Variants in EDEM3 observed in about 807,000 individuals in gnomAD.
EDEM3 encodes the protein ER degradation enhancing alpha-mannosidase like protein 3.
EDEM3 carries 60 observed loss-of-function variants against 110.2 expected under a neutral mutation model. That is an observed-to-expected ratio of 0.54 (90% CI 0.44 to 0.67). The LOEUF is 0.67. Ranked by LOEUF, EDEM3 falls within the 30% of genes least tolerant of loss-of-function variation. EDEM3 has a pLI of 0.00. For missense variants in EDEM3, 996 were observed against 1,121.0 expected (o/e 0.89, Z 1.59); for synonymous variants, 352 against 382.9 (o/e 0.92, Z 0.94).
chr1:184,700,883 T>A (rs1558041027), intron 19 of EDEM3, among the ~76,000 whole-genome samples: 1 of 151,998 alleles, frequency 6.6e-6, no homozygotes, highest in Non-Finnish European at 1.5e-5. Flanking sequence ...AGCTGTACAG[T>A]TCTATAAAGA....
intron 2 of EDEM3, among the ~76,000 whole-genome samples, chr1:184,746,350 A>C (rs1168312198): frequency 1.3e-5 from 2 of 152,244 alleles, no homozygotes; most frequent in Admixed American, 6.5e-5. Context: ...GCTTTAAGCA[A>C]GTTCTATGTA....
intron 19 of EDEM3, chr1:184,701,591 C>A: frequency 2.5e-6 from 3 of 1,196,260 alleles, no homozygotes; most frequent in East Asian, 5.8e-5. Context: ...AAAGCAAATG[C>A]ATTAAAGAGT....
intron 5 of EDEM3, among the ~76,000 whole-genome samples, chr1:184,733,654 C>G (rs1439661563): frequency 1.3e-5 from 2 of 151,988 alleles, no homozygotes; most frequent in Non-Finnish European, 2.9e-5. Flanking sequence ...ACGGTGAAAC[C>G]CTGTCTCTAC....
chr1:184,728,567 C>A (rs1651318273), intron 6 of EDEM3, among the ~76,000 whole-genome samples: 1 of 151,504 alleles, frequency 6.6e-6, no homozygotes, highest in African/African-American at 2.4e-5. Flanking sequence ...TCATTTAAAT[C>A]TTGTATCCTT....
In EDEM3 at chr1:184,693,783, T is replaced by G. The variant is rs902502305; in HGVS notation, c.*280A>C. ...ACAGAAATCTGGTTCGCAGGAATGC[T>G]CAGTAATCTTTCCCTGGCCTGAGGT... On this transcript the variant is annotated 3_prime_UTR_variant, in exon 20 of 20. Coordinates refer to ENST00000318130, the MANE Select transcript of EDEM3 (RefSeq NM_025191.4). The G allele has an allele frequency of 1.6e-4, 48 of 304,618 alleles. No individual in the cohort carries two copies. The highest frequency in any genetic ancestry group is 2.4e-4 in the Non-Finnish European group (39 of 163,158). 18.9% of individuals were successfully genotyped at this position (304,618 alleles called of 1,614,324 possible).
rs747737376 is a variant in EDEM3, at chr1:184,737,658, A to G, written c.258T>C (p.Val86=). Reference sequence around the variant, plus strand: ...CACCGCGACTTGGCTCTTGGCCTCTAACTCGACCTCTACAGGTTAAAGGCA... The same window carrying G: ...CACCGCGACTTGGCTCTTGGCCTCTGACTCGACCTCTACAGGTTAAAGGCA... ...ELMPLTCRGR[V]RGQEPSRGDV... Residue 86 remains valine (V), a synonymous_variant, in exon 3 of 20, where the codon GTT becomes GTC. Coordinates refer to ENST00000318130, the MANE Select transcript of EDEM3 (RefSeq NM_025191.4). 2 of 1,614,048 alleles carry G rather than the reference A, an allele frequency of 1.2e-6. No homozygotes were observed. The highest frequency in any genetic ancestry group is 1.7e-6 in the Non-Finnish European group (2 of 1,179,916).
At chr1:184,708,871 T>TGGAAAAGGA (rs1199835193) in intron 16 of EDEM3, among the ~76,000 whole-genome samples, 1 of 152,036 alleles carries the variant, frequency 6.6e-6, no homozygotes, top group Non-Finnish European at 1.5e-5. Context: ...AGTGGGAAAG[T>TGGAAAAGGA]GGAAAAGGAG....
chr1:184,740,466 C>A (rs906706547), intron 2 of EDEM3, among the ~76,000 whole-genome samples: 1 of 152,184 alleles, frequency 6.6e-6, no homozygotes, highest in African/African-American at 2.4e-5. Context: ...CTTTAGTCCA[C>A]AAATCACTAT....
intron 6 of EDEM3, among the ~76,000 whole-genome samples, chr1:184,727,844 A>G (rs1238969376): frequency 6.6e-6 from 1 of 152,162 alleles, no homozygotes; most frequent in South Asian, 2.1e-4. Context: ...CTGCACCACA[A>G]ACAAGAATGA....
rs1031973060 is a variant in EDEM3, at chr1:184,719,578, C to T, written c.952-10G>A. On this transcript the variant is annotated splice_polypyrimidine_tract_variant and intron_variant, in intron 9 of 19. Coordinates refer to ENST00000318130, the MANE Select transcript of EDEM3 (RefSeq NM_025191.4). ...TTATGGCATCATAGTGCTAAAAGATCACAACATGTGTTCATGAAAGTTAGA... is the reference window on the plus strand; with the variant it reads ...TTATGGCATCATAGTGCTAAAAGATTACAACATGTGTTCATGAAAGTTAGA... 1 of 1,613,106 alleles carries T rather than the reference C, an allele frequency of 6.2e-7. No homozygotes were observed. The highest frequency in any genetic ancestry group is 8.5e-7 in the Non-Finnish European group (1 of 1,179,728).
At position 184,712,475 on chromosome 1, in the gene EDEM3, A is replaced by C; in HGVS notation, c.1494T>G (p.Leu498=). The C allele has an allele frequency of 1.9e-6, 3 of 1,604,066 alleles. No individual in the cohort carries two copies. In the Admixed American group the frequency reaches 5.2e-5, roughly 28 times the overall value. ...IFTTEAHLLP[L]WLSTTNQSIS... ...TGCTTTGATTTGTAGTAGAGAGCCAAAGAGGTAACAGATGAGCTTCTGTTG... is the reference window on the plus strand; with the variant it reads ...TGCTTTGATTTGTAGTAGAGAGCCACAGAGGTAACAGATGAGCTTCTGTTG... The change falls in exon 14 of 20, where the codon CTT becomes CTG. Residue 498 remains leucine (L), a synonymous_variant. Coordinates refer to ENST00000318130, the MANE Select transcript of EDEM3 (RefSeq NM_025191.4).
chr1:184,700,217 T>A (rs1649543595), intron 19 of EDEM3, among the ~76,000 whole-genome samples: 1 of 151,946 alleles, frequency 6.6e-6, no homozygotes, highest in Admixed American at 6.6e-5. Context: ...TCTATACTAA[T>A]GGCATGGACT....
At chr1:184,706,430 C>T (rs932435473) in intron 18 of EDEM3, among the ~76,000 whole-genome samples, 13 of 152,108 alleles carry the variant, frequency 8.5e-5, no homozygotes, top group African/African-American at 3.1e-4. Flanking sequence ...AGTATTTTCA[C>T]TGACATTAAT....
In EDEM3 at chr1:184,693,969, C is replaced by G; in HGVS notation, c.*94G>C. On this transcript the variant is annotated 3_prime_UTR_variant, in exon 20 of 20. Transcript: ENST00000318130. ...TTGTTCATCACCATACTTAAAGCCT[C>G]CCATTAGAAAGCCTGCTTAGTATTA... 3 of 1,332,858 alleles carry G rather than the reference C, an allele frequency of 2.3e-6. No individual in the cohort carries two copies. Among genetic ancestry groups the G allele is most frequent in the Non-Finnish European group, 3.1e-6 (3 of 976,270 alleles). The allele number at this position is 1,332,858 out of a possible 1,614,324, so 82.6% of individuals were successfully genotyped here.
At chr1:184,751,817 G>T (rs1195709350) in intron 1 of EDEM3, among the ~76,000 whole-genome samples, 1 of 152,074 alleles carries the variant, frequency 6.6e-6, no homozygotes, top group African/African-American at 2.4e-5. Context: ...GCAATGGCAC[G>T]ATCTCTGCTC....
chr1:184,735,378 T>C (rs926399940), intron 4 of EDEM3, among the ~76,000 whole-genome samples: 7 of 152,206 alleles, frequency 4.6e-5, no homozygotes, highest in Non-Finnish European at 1.0e-4. Flanking sequence ...TCTAGAATCC[T>C]GACTAAACTA....
intron 19 of EDEM3, among the ~76,000 whole-genome samples, chr1:184,702,142 T>C (rs1649662206): frequency 6.6e-6 from 1 of 152,212 alleles, no homozygotes; most frequent in Non-Finnish European, 1.5e-5. Context: ...TGTGAAACTA[T>C]GTAAGAATAC....
At position 184,694,125 on chromosome 1, in the gene EDEM3, T is replaced by A. The variant is rs1488626159; in HGVS notation, c.2737A>T (p.Ile913Leu). 5.0e-6 allele frequency: 8 copies of A among 1,613,330 alleles called. No homozygotes were observed. The highest frequency in any genetic ancestry group is 6.8e-6 in the Non-Finnish European group (8 of 1,179,610). ...WGKKVQPIDS[I>L]LADWNEDIEA... ...ATATCTTCATTCCAGTCTGCTAATA[T>A]GGAGTCTATAGGCTGGACCTTTTTA... Residue 913 changes from isoleucine to leucine, a missense_variant, in exon 20 of 20, where the codon ATA becomes TTA. Ile to Leu is a conservative substitution (Grantham distance 5, BLOSUM62 2). Around this residue, in one of 5 missense-constraint regions of EDEM3, gnomAD observed 345 missense variants for 402.0 expected, o/e 0.86. Transcript: ENST00000318130.
rs943160162 is a variant in EDEM3 at position 184,726,404 on chromosome 1, A to C, written c.613-15T>G. Reference sequence around the variant, plus strand: ...TTTAAATTAATCTGAATACAATTAGAAAATTGTCATTAGCAGTTATCAAGA... The same window carrying C: ...TTTAAATTAATCTGAATACAATTAGCAAATTGTCATTAGCAGTTATCAAGA... On this transcript the variant is annotated splice_polypyrimidine_tract_variant and intron_variant, in intron 6 of 19. Coordinates refer to ENST00000318130, the MANE Select transcript of EDEM3 (RefSeq NM_025191.4). 2 of 1,610,648 alleles carry C rather than the reference A, an allele frequency of 1.2e-6. No homozygotes were observed. The highest frequency in any genetic ancestry group is 2.7e-5 in the African/African-American group (2 of 74,822).
Sources: allele counts gnomAD v4.1 joint callset (sites outside exome capture counted in the v4.1 genomes callset), GRCh38; gene constraint gnomAD v4.1.1; regional missense constraint gnomAD v4.1.1; transcripts MANE v1.5; gene names NCBI Gene and HGNC (gene_info 2026-07-23, HGNC 2026-07-21).